The following KIF24 variants were observed in gnomAD, a reference collection of about 807,000 sequenced individuals.
The protein encoded by KIF24 is kinesin family member 24.
Under a neutral mutation model 118.9 loss-of-function variants are expected in KIF24, and 81 were observed. The observed-to-expected ratio is 0.68, with a 90% confidence interval of 0.57 to 0.82. KIF24 has a LOEUF of 0.82. Among genes scored for constraint, KIF24 ranks in the 40% least tolerant of loss-of-function variants. KIF24 has a pLI of 0.00. For missense variants in KIF24, 1,560 were observed against 1,661.6 expected, an observed-to-expected ratio of 0.94 and a Z score of 1.06; for synonymous variants, 599 against 610.0, an observed-to-expected ratio of 0.98 and a Z score of 0.27.
chr9:34,301,534 A>G (rs1222642632), intron 3 of KIF24, among the ~76,000 whole-genome samples: 2 of 152,038 alleles, frequency 1.3e-5, no homozygotes, highest in East Asian at 1.9e-4. Flanking sequence ...TTTTTAAGTA[A>G]GTTTTTCTTC....
intron 8 of KIF24, among the ~76,000 whole-genome samples, chr9:34,264,108 T>C (rs2131684216): frequency 6.6e-6 from 1 of 151,828 alleles, no homozygotes; most frequent in Middle Eastern, 3.4e-3. Context: ...GTGATGCATC[T>C]AGGCTAAAAG....
At position 34,313,749 on chromosome 9, in the gene KIF24, T is replaced by G. The variant is rs868452521; in HGVS notation, c.-25-2378A>C. 4.3e-3 allele frequency among the ~76,000 whole-genome samples: 643 copies of G among 150,452 alleles called. 5 individuals are homozygous for G. Among genetic ancestry groups the G allele is most frequent in the African/African-American group, 0.014 (583 of 40,922 alleles). Reference sequence around the variant, plus strand: ...TTCCCCCGTTATCTGTTTTTTTTTTTTTGTTTTTTTTTTTTTGAGGGATGG... The same window carrying G: ...TTCCCCCGTTATCTGTTTTTTTTTTGTTGTTTTTTTTTTTTTGAGGGATGG... On this transcript the variant is annotated intron_variant, in intron 1 of 12. Transcript: ENST00000402558.
In KIF24 at chr9:34,314,890, T is replaced by C. The variant is rs370233939; in HGVS notation, c.-25-3519A>G. Among the ~76,000 whole-genome samples the C allele has an allele frequency of 4.6e-5, 7 of 152,186 alleles. No individual in the cohort carries two copies. In the South Asian group the frequency reaches 1.0e-3, roughly 23 times the overall value. On this transcript the variant is annotated intron_variant, in intron 1 of 12. Transcript: ENST00000402558. ...ATTTAAAAAAGAAAGCTGTCCAATA[T>C]ATTGTTAATAAAGCAAGGTACAGAA...
At chr9:34,272,024 T>A in intron 6 of KIF24, 94 bp from the exon 7 acceptor site, 2 of 1,199,600 alleles carry the variant, frequency 1.7e-6, no homozygotes, top group South Asian at 1.7e-5. Context: ...AGCAGACATA[T>A]AATTGTGTCA....
chr9:34,302,087 T>C (rs567184412), intron 3 of KIF24, among the ~76,000 whole-genome samples: 8 of 146,366 alleles, frequency 5.5e-5, no homozygotes, highest in African/African-American at 1.5e-4. Context: ...CTCTGCCTCC[T>C]GGGTTCACGC....
intron 1 of KIF24, among the ~76,000 whole-genome samples, chr9:34,327,223 A>G (rs1837698158): frequency 6.6e-6 from 1 of 152,128 alleles, no homozygotes; most frequent in Non-Finnish European, 1.5e-5. Context: ...TTGAGGATCT[A>G]CACTGTGCAA....
chr9:34,318,769 C>A lies in KIF24; in HGVS notation c.-25-7398G>T. 1 of 1,520,600 alleles carries A rather than the reference C, an allele frequency of 6.6e-7. No individual in the cohort carries two copies. Among genetic ancestry groups the A allele is most frequent in the East Asian group, 2.3e-5 (1 of 43,584 alleles). 94.2% of individuals were successfully genotyped at this position (1,520,600 alleles called of 1,614,324 possible). A position where few individuals can be genotyped will look rare whatever the true frequency, so the allele number is the denominator to read the frequency against. Reference sequence around the variant, plus strand: ...CGCTGCGTTCACTCAGCAACTCCACCGCGCGCAACGTGACCTGGAAGCTGT... The same window carrying A: ...CGCTGCGTTCACTCAGCAACTCCACAGCGCGCAACGTGACCTGGAAGCTGT... On this transcript the variant is annotated intron_variant, in intron 1 of 12. Coordinates refer to ENST00000402558, the MANE Select transcript of KIF24 (RefSeq NM_194313.4). This position sits in a 1 kb window ranked among gnomAD's most constrained non-coding sequence, Gnocchi z 4.9.
intron 4 of KIF24, among the ~76,000 whole-genome samples, chr9:34,292,163 G>A (rs1836277548): frequency 6.6e-6 from 1 of 152,108 alleles, no homozygotes; most frequent in Admixed American, 6.6e-5. Context: ...ATTATCTAAT[G>A]TAAAATGCAG....
At chr9:34,269,654 C>T (rs1385412052) in intron 7 of KIF24, among the ~76,000 whole-genome samples, 1 of 151,892 alleles carries the variant, frequency 6.6e-6, no homozygotes, top group African/African-American at 2.4e-5. Context: ...CTCCTGACCT[C>T]GTGATCCGCC....
intron 5 of KIF24, among the ~76,000 whole-genome samples, chr9:34,288,532 TA>T (rs1836134949): frequency 6.6e-6 from 1 of 150,472 alleles, no homozygotes; most frequent in African/African-American, 2.4e-5. Context: ...CATAACAGCA[TA>T]AACAGGAAAG....
chr9:34,256,109 G>C lies in KIF24; in HGVS notation c.3498C>G (p.His1166Gln). The change falls in exon 11 of 13, where the codon CAC (histidine) becomes CAG (glutamine). Residue 1166 changes from histidine (H) to glutamine (Q), a missense_variant. Transcript: ENST00000402558. ...CAGCATCATACTGCTCACTACCCAT[G>C]TGTTCGTGGGAGAAAAGTACAGTCT... is the stretch of plus-strand genomic sequence containing the variant. ...SRETVLFSHEHMGSEQYDADA... is the reference protein window; with the variant it reads ...SRETVLFSHEQMGSEQYDADA... 6.2e-7 allele frequency: 1 copy of C among 1,611,164 alleles called. No homozygotes were observed. Among genetic ancestry groups the C allele is most frequent in the Non-Finnish European group, 8.5e-7 (1 of 1,177,588 alleles).
At chr9:34,277,163 A>C (rs1835686161) in intron 6 of KIF24, among the ~76,000 whole-genome samples, 1 of 152,220 alleles carries the variant, frequency 6.6e-6, no homozygotes, top group Non-Finnish European at 1.5e-5. Flanking sequence ...AATCCCAGTG[A>C]TTATAAAATT....
intron 2 of KIF24, 82 bp downstream of exon 2, chr9:34,310,642 G>T: frequency 1.1e-6 from 1 of 917,056 alleles, no homozygotes; most frequent in Non-Finnish European, 1.7e-6. Context: ...AGGAGTAGAT[G>T]CTGTCTGCTG....
chr9:34,290,422 T>C, intron 4 of KIF24, 33 bp from the exon 5 acceptor site: 1 of 1,305,498 alleles, frequency 7.7e-7, no homozygotes, highest in Non-Finnish European at 1.1e-6. Flanking sequence ...TACTTATGCA[T>C]ATTAAGAGAA....
In KIF24 at chr9:34,300,861, A is replaced by G. The variant is rs904182034; in HGVS notation, c.814-3747T>C. On this transcript the variant is annotated intron_variant, in intron 3 of 12. Transcript: ENST00000402558. ...TATTCGGCATTTCTCAAAAAAAAAA[A>G]AAAAAAAAAAAAAGAAAAAACCCAC... is the stretch of plus-strand genomic sequence containing the variant. Among the ~76,000 whole-genome samples, 694 of 150,924 alleles carry G rather than the reference A, an allele frequency of 4.6e-3. 2 individuals carry two copies. Among genetic ancestry groups the G allele is most frequent in the Non-Finnish European group, 7.5e-3 (511 of 67,694 alleles).
chr9:34,301,745 G>C (rs1836713429), intron 3 of KIF24, among the ~76,000 whole-genome samples: 1 of 152,032 alleles, frequency 6.6e-6, no homozygotes, highest in African/African-American at 2.4e-5. Context: ...GCTGAGGTGG[G>C]AGGATCACTT....
At chr9:34,269,232 A>G in intron 8 of KIF24, 25 bp downstream of exon 8, 1 of 1,380,638 alleles carries the variant, frequency 7.2e-7, no homozygotes, top group Non-Finnish European at 1.0e-6. Context: ...AAGGATTTTT[A>G]GATTAAAGAT....
At chr9:34,321,131 A>G (rs995306248) in intron 1 of KIF24, among the ~76,000 whole-genome samples, 3 of 152,208 alleles carry the variant, frequency 2.0e-5, no homozygotes, top group African/African-American at 7.2e-5. Context: ...CACTGCCACC[A>G]AACACATTCT....
rs769364494 is a variant in KIF24, at chr9:34,257,586, C to T, written c.2021G>A (p.Arg674Gln). The T allele has an allele frequency of 1.3e-5, 21 of 1,613,904 alleles. No homozygotes were observed. Among genetic ancestry groups the T allele is most frequent in the Non-Finnish European group, 1.8e-5 (21 of 1,179,886 alleles). Residue 674 changes from arginine (R) to glutamine (Q), a missense_variant, in exon 11 of 13, where the codon CGA (arginine) becomes CAA (glutamine). By Grantham distance (43) the Arg-to-Gln change is conservative. Around this residue, in one of 3 missense-constraint regions of KIF24, gnomAD observed 964 missense variants for 988.0 expected, o/e 0.98. Coordinates refer to ENST00000402558, the MANE Select transcript of KIF24 (RefSeq NM_194313.4). ...CCCAAGGACAGTTTTGTTGCCCATT[C>T]GATTTTTCTCAGAGCACAATGGTGC... ...ESAPLCSEKN[R>Q]MGNKTVLGWE... is the part of the protein sequence containing the mutation.
Sources: allele counts gnomAD v4.1 joint callset (sites outside exome capture counted in the v4.1 genomes callset), GRCh38; gene constraint gnomAD v4.1.1; regional missense constraint gnomAD v4.1.1; non-coding constraint Gnocchi (gnomAD v3.1); transcripts MANE v1.5; gene names NCBI Gene and HGNC (gene_info 2026-07-23, HGNC 2026-07-21).